Variants in MTUS2 observed in about 807,000 individuals in gnomAD.
The protein encoded by MTUS2 is microtubule-associated tumor suppressor candidate 2.
A neutral mutation model predicts 114.1 loss-of-function variants in MTUS2; 40 were observed. The ratio of observed to expected loss-of-function variants is 0.35; its 90% CI spans 0.27 to 0.46. MTUS2 has a LOEUF of 0.46. Ranked by LOEUF, MTUS2 falls within the 20% of genes least tolerant of loss-of-function variation. MTUS2 has a pLI of 1.00. For synonymous variants in MTUS2, 688 were observed against 672.0 expected, an observed-to-expected ratio of 1.02 and a Z score of -0.37; for missense variants, 1,679 against 1,705.4, an observed-to-expected ratio of 0.98 and a Z score of 0.27.
intron 2 of MTUS2, among the ~76,000 whole-genome samples, chr13:28,892,139 T>C (rs1437493041): frequency 1.3e-5 from 2 of 152,156 alleles, no homozygotes; most frequent in Non-Finnish European, 2.9e-5. Flanking sequence ...CCTTTTTCAC[T>C]CCATATTCCT....
chr13:29,295,981 G>A (rs962942502), intron 6 of MTUS2, among the ~76,000 whole-genome samples: 2 of 152,118 alleles, frequency 1.3e-5, no homozygotes, highest in African/African-American at 4.8e-5. Flanking sequence ...TTCAAGATGA[G>A]ATTTGGGTGG....
intron 2 of MTUS2, among the ~76,000 whole-genome samples, chr13:28,888,496 A>G (rs1045800082): frequency 6.8e-6 from 1 of 147,678 alleles, no homozygotes; most frequent in African/African-American, 2.5e-5. Flanking sequence ...ATCTTGGCTC[A>G]CCGCAAACTT....
At chr13:29,242,335 T>C (rs1896762203) in intron 5 of MTUS2, among the ~76,000 whole-genome samples, 1 of 152,228 alleles carries the variant, frequency 6.6e-6, no homozygotes, top group Non-Finnish European at 1.5e-5. Context: ...ATGTGGTCTC[T>C]TTTGTCTGGC....
At chr13:29,035,469 G>T (rs1887019254) in intron 4 of MTUS2, among the ~76,000 whole-genome samples, 1 of 152,216 alleles carries the variant, frequency 6.6e-6, no homozygotes, top group African/African-American at 2.4e-5. Flanking sequence ...AGTAGCTCTT[G>T]GCTTGGCCTG....
At position 28,896,438 on chromosome 13, in the gene MTUS2, G is replaced by C. The variant is rs141610878; in HGVS notation, c.-243+56588G>C. ...AATGGAAGAACATTCCATGCTCATG[G>C]GTAGGAAGAATCAATATTGTGAAAA... On this transcript the variant is annotated intron_variant, in intron 2 of 15. Coordinates refer to ENST00000612955, the MANE Select transcript of MTUS2 (RefSeq NM_001033602.4). Among the ~76,000 whole-genome samples the C allele has an allele frequency of 2.8e-3, 422 of 152,238 alleles. 2 individuals carry two copies. In the East Asian group the frequency reaches 0.035, roughly 12 times the overall value.
At chr13:29,046,039 A>G (rs897211163) in intron 4 of MTUS2, among the ~76,000 whole-genome samples, 1 of 152,110 alleles carries the variant, frequency 6.6e-6, no homozygotes, top group Non-Finnish European at 1.5e-5. Flanking sequence ...CCGTGCTTAC[A>G]AATGACTCTA....
intron 8 of MTUS2, among the ~76,000 whole-genome samples, chr13:29,388,214 G>A (rs1872763069): frequency 6.6e-6 from 1 of 152,066 alleles, no homozygotes. Context: ...TACCAGAGTT[G>A]ATTTTCAGTT....
Position 29,268,665 on chromosome 13 carries a change from G to GT in MTUS2, c.2645-13031dup, listed in dbSNP as rs919932971. Among the ~76,000 whole-genome samples the GT allele has an allele frequency of 2.1e-4, 32 of 151,838 alleles. No individual in the cohort carries two copies. In the South Asian group the frequency reaches 2.3e-3, roughly 11 times the overall value. ...CAACATCTACCCCACACTCTGCTTT[G>GT]TTTTTTTTCATGGCATTTTGCACTG... On this transcript the variant is annotated intron_variant, in intron 5 of 15. Transcript: ENST00000612955.
intron 5 of MTUS2, among the ~76,000 whole-genome samples, chr13:29,116,210 A>C (rs1348495804): frequency 6.6e-6 from 1 of 152,234 alleles, no homozygotes; most frequent in Non-Finnish European, 1.5e-5. Flanking sequence ...TGAAGACAAA[A>C]GGGATAAATT....
At chr13:29,324,797 C>A in intron 7 of MTUS2, 86 bp downstream of exon 7, 3 of 993,166 alleles carry the variant, frequency 3.0e-6, no homozygotes, top group Non-Finnish European at 3.1e-6. Flanking sequence ...GGAGCAATGC[C>A]AACCCATGTG....
chr13:29,438,776 A>G (rs1453415106), intron 8 of MTUS2, among the ~76,000 whole-genome samples: 2 of 152,170 alleles, frequency 1.3e-5, no homozygotes, highest in African/African-American at 4.8e-5. Flanking sequence ...GACTCCCACA[A>G]TGAAAATAGC....
At chr13:29,094,855 TC>T (rs1890112365) in intron 4 of MTUS2, among the ~76,000 whole-genome samples, 2 of 152,066 alleles carry the variant, frequency 1.3e-5, no homozygotes, top group Admixed American at 1.3e-4. Flanking sequence ...TTTAGCTGCT[TC>T]CCGTAAGCTT....
At chr13:29,110,772 C>T (rs1163517399) in intron 5 of MTUS2, among the ~76,000 whole-genome samples, 1 of 152,042 alleles carries the variant, frequency 6.6e-6, no homozygotes, top group Non-Finnish European at 1.5e-5. Context: ...ATATCTGGAT[C>T]TAACTTAGAA....
intron 4 of MTUS2, among the ~76,000 whole-genome samples, chr13:29,100,377 G>A (rs946179888): frequency 2.6e-5 from 4 of 152,200 alleles, no homozygotes; most frequent in Admixed American, 6.5e-5. Context: ...TTTGCCCATT[G>A]TATGTCAAAA....
At chr13:29,424,017 A>G (rs1043668598) in intron 8 of MTUS2, among the ~76,000 whole-genome samples, 1 of 138,296 alleles carries the variant, frequency 7.2e-6, no homozygotes, top group Non-Finnish European at 1.6e-5. Context: ...GGTGCCTGCC[A>G]CCATGCCTGG....
At chr13:28,967,593 T>G (rs1287585207) in intron 2 of MTUS2, among the ~76,000 whole-genome samples, 1 of 152,204 alleles carries the variant, frequency 6.6e-6, no homozygotes, top group African/African-American at 2.4e-5. Flanking sequence ...CCATTCTGAA[T>G]GTTATTCACC....
At chr13:29,373,584 C>A (rs1345575667) in intron 8 of MTUS2, among the ~76,000 whole-genome samples, 1 of 152,178 alleles carries the variant, frequency 6.6e-6, no homozygotes, top group Non-Finnish European at 1.5e-5. Context: ...AACTACAGAG[C>A]AAACCATCAC....
At chr13:28,987,298 C>G (rs2138320427) in intron 2 of MTUS2, among the ~76,000 whole-genome samples, 1 of 152,190 alleles carries the variant, frequency 6.6e-6, no homozygotes, top group South Asian at 2.1e-4. Flanking sequence ...GACAGAGGCT[C>G]CAGAAGGATG....
intron 5 of MTUS2, among the ~76,000 whole-genome samples, chr13:29,176,216 G>A (rs1350495658): frequency 1.3e-5 from 2 of 152,102 alleles, no homozygotes; most frequent in African/African-American, 4.8e-5. Context: ...TGACTGTACT[G>A]CTCTTTTTTC....
Sources: gnomAD v4.1 joint callset for allele counts (sites outside exome capture counted in the v4.1 genomes callset) on GRCh38, gnomAD v4.1.1 for gene constraint, MANE v1.5 for transcripts, NCBI Gene and HGNC (gene_info 2026-07-23, HGNC 2026-07-21) for gene names.